The following CERS4 variants were observed in gnomAD, a reference collection of about 807,000 sequenced individuals.
CERS4 encodes the protein LAG1 homolog, ceramide synthase 4.
CERS4 carries 65 observed loss-of-function variants against 51.8 expected under a neutral mutation model. That is an observed-to-expected ratio of 1.26 (90% CI 1.03 to 1.54). The LOEUF (loss-of-function observed/expected upper bound fraction) is 1.54. CERS4 is among the 40% of genes most tolerant of loss of function. The pLI, the probability that CERS4 is intolerant of heterozygous loss-of-function variation, is 0.00. For synonymous variants in CERS4, 228 were observed against 208.4 expected (o/e 1.09, Z -0.81); for missense variants, 563 against 500.4 (o/e 1.13, Z -1.19).
Position 8,239,882 on chromosome 19 carries a change from G to A in CERS4, c.-1-11194G>A, listed in dbSNP as rs143073040. Reference sequence around the variant, plus strand: ...GCATCTAATGTGTCCAGCCCTGTCTGAGGCTCTGAGGATACAGCAGTGACT... The same window carrying A: ...GCATCTAATGTGTCCAGCCCTGTCTAAGGCTCTGAGGATACAGCAGTGACT... On this transcript the variant is annotated intron_variant, in intron 2 of 11. Transcript: ENST00000251363. Among the ~76,000 whole-genome samples the A allele has an allele frequency of 2.4e-3, 365 of 152,284 alleles. 5 individuals carry two copies. Among genetic ancestry groups the A allele is most frequent in the Non-Finnish European group, 2.1e-3 (140 of 68,024 alleles).
chr19:8,213,209 TTTGTAGAG>T (rs1183360905), intron 2 of CERS4, among the ~76,000 whole-genome samples: 1 of 151,468 alleles, frequency 6.6e-6, no homozygotes, highest in African/African-American at 2.4e-5. Flanking sequence ...TTGTAGTGAT[TTTGTAGAG>T]TTTTGCCAGT....
intron 2 of CERS4, among the ~76,000 whole-genome samples, chr19:8,245,248 T>G (rs563163325): frequency 1.1e-4 from 17 of 151,930 alleles, no homozygotes; most frequent in African/African-American, 3.6e-4. Context: ...TTTTTATTTT[T>G]TATTGATTTA....
chr19:8,242,775 G>A (rs17160311), intron 2 of CERS4, among the ~76,000 whole-genome samples: 11,400 of 152,188 alleles, frequency 0.075, 837 homozygotes, highest in African/African-American at 0.19. Flanking sequence ...TGTGTGAAAC[G>A]ATATGGTCTG....
intron 3 of CERS4, among the ~76,000 whole-genome samples, 196 bp downstream of exon 3, chr19:8,251,445 C>T (rs1969075623): frequency 6.6e-6 from 1 of 152,050 alleles, no homozygotes; most frequent in Non-Finnish European, 1.5e-5. Flanking sequence ...TATAGGAACA[C>T]TGACTGCAGC....
Position 8,210,449 on chromosome 19 carries a change from A to G in CERS4, c.-158-257A>G, listed in dbSNP as rs1042470122. 2.0e-5 allele frequency among the ~76,000 whole-genome samples: 3 copies of G among 151,894 alleles called. No homozygotes were observed. The highest frequency in any genetic ancestry group is 7.3e-5 in the African/African-American group (3 of 41,308). ...TTTCATTGCTGGGTTGGGAGACTTG[A>G]GGAGAAGCTGCTCTGGGGGACACAG... On this transcript the variant is annotated intron_variant, in intron 1 of 11. Transcript: ENST00000251363. This position sits in a 1 kb window ranked among gnomAD's most constrained non-coding sequence, Gnocchi z 4.2.
intron 10 of CERS4, among the ~76,000 whole-genome samples, chr19:8,258,679 T>A (rs928994865): frequency 6.8e-6 from 1 of 146,540 alleles, no homozygotes; most frequent in Non-Finnish European, 1.6e-5. Context: ...CTTGTCTCTA[T>A]TAAAAATTAA....
At chr19:8,234,100 A>G (rs1260910197) in intron 2 of CERS4, among the ~76,000 whole-genome samples, 1 of 151,876 alleles carries the variant, frequency 6.6e-6, no homozygotes, top group Non-Finnish European at 1.5e-5. Flanking sequence ...AGGTCAGGAG[A>G]TCGAGACCAT....
chr19:8,219,780 C>T (rs1043047629), intron 2 of CERS4, among the ~76,000 whole-genome samples: 2 of 151,836 alleles, frequency 1.3e-5, no homozygotes, highest in Non-Finnish European at 2.9e-5. Flanking sequence ...GACTGTGCTT[C>T]TGCACTCCAG....
intron 3 of CERS4, among the ~76,000 whole-genome samples, chr19:8,253,505 G>GCTT (rs1165142887): frequency 1.4e-5 from 2 of 144,722 alleles, no homozygotes; most frequent in Non-Finnish European, 3.0e-5. Flanking sequence ...TGTCACCCAG[G>GCTT]CTTGAGTGCA....
intron 2 of CERS4, among the ~76,000 whole-genome samples, chr19:8,249,912 A>T (rs1258215579): frequency 6.6e-6 from 1 of 151,960 alleles, no homozygotes; most frequent in African/African-American, 2.4e-5. Flanking sequence ...TAAATCCTTC[A>T]TCTTTGGGGG....
At chr19:8,257,387 C>T (rs1969452166) in intron 9 of CERS4, among the ~76,000 whole-genome samples, 1 of 152,256 alleles carries the variant, frequency 6.6e-6, no homozygotes, top group South Asian at 2.1e-4. Flanking sequence ...CCCCTCTCAG[C>T]TCCCTCCTTG....
chr19:8,216,124 A>C (rs1273745865), intron 2 of CERS4, among the ~76,000 whole-genome samples: 1 of 152,018 alleles, frequency 6.6e-6, no homozygotes, highest in Non-Finnish European at 1.5e-5. Context: ...CACACCTGTA[A>C]TCCCAGCACT....
chr19:8,257,964 G>C lies in CERS4; in HGVS notation c.827G>C (p.Arg276Pro). Reference sequence around the variant, plus strand: ...TTCTCCTTTGTCTTCTTCTACACCCGACTGGTCCTCTTTCCCACCCAGTGA... The same window carrying C: ...TTCTCCTTTGTCTTCTTCTACACCCCACTGGTCCTCTTTCCCACCCAGTGA... ...LIFSFVFFYT[R>P]LVLFPTQILY... The change falls in exon 10 of 12, where the codon CGA becomes CCA. Residue 276 changes from arginine to proline, a missense_variant. Coordinates refer to ENST00000251363, the MANE Select transcript of CERS4 (RefSeq NM_024552.3). 6.2e-7 allele frequency: 1 copy of C among 1,613,828 alleles called. No individual in the cohort carries two copies.
chr19:8,244,259 G>T (rs1469561142), intron 2 of CERS4, among the ~76,000 whole-genome samples: 1 of 152,220 alleles, frequency 6.6e-6, no homozygotes, highest in African/African-American at 2.4e-5. Flanking sequence ...GGGAGGCTGA[G>T]GCAGGAAGAT....
At chr19:8,249,316 A>G (rs577446671) in intron 2 of CERS4, among the ~76,000 whole-genome samples, 1 of 152,202 alleles carries the variant, frequency 6.6e-6, no homozygotes, top group African/African-American at 2.4e-5. Flanking sequence ...TGAACGAACA[A>G]ACTTTCTGAG....
chr19:8,244,143 A>C (rs1241155176), intron 2 of CERS4, among the ~76,000 whole-genome samples: 2 of 152,234 alleles, frequency 1.3e-5, no homozygotes, highest in South Asian at 2.1e-4. Context: ...CTGGCTCTGA[A>C]GATGGAGGAA....
intron 2 of CERS4, chr19:8,241,592 C>T (rs927926103): frequency 2.6e-5 from 4 of 152,172 alleles, no homozygotes; most frequent in Non-Finnish European, 4.4e-5. Context: ...CCACTGCACT[C>T]GGTCCTCTAA....
In CERS4 at chr19:8,262,209, G is replaced by A; in HGVS notation, c.*100G>A. Reference sequence around the variant, plus strand: ...CCCTGGGCCACCTTTCTGGAGACAGGGAGGGCCCCACCCGGGGTGGGTGGG... The same window carrying A: ...CCCTGGGCCACCTTTCTGGAGACAGAGAGGGCCCCACCCGGGGTGGGTGGG... On this transcript the variant is annotated 3_prime_UTR_variant, in exon 12 of 12. Transcript: ENST00000251363. 7.7e-7 allele frequency: 1 copy of A among 1,298,946 alleles called. No individual in the cohort carries two copies. 80.5% of individuals were successfully genotyped at this position (1,298,946 alleles called of 1,614,324 possible).
intron 3 of CERS4, among the ~76,000 whole-genome samples, chr19:8,254,148 C>T (rs1345230467): frequency 6.6e-6 from 1 of 151,528 alleles, no homozygotes; most frequent in East Asian, 2.0e-4. Context: ...CAGTGAAACC[C>T]CGTCTCTACT....
Sources: gnomAD v4.1 joint callset for allele counts (sites outside exome capture counted in the v4.1 genomes callset) on GRCh38, gnomAD v4.1.1 for gene constraint, Gnocchi (gnomAD v3.1) non-coding constraint, MANE v1.5 for transcripts, NCBI Gene and HGNC (gene_info 2026-07-23, HGNC 2026-07-21) for gene names.